The following DST variants were observed in gnomAD, a reference collection of about 807,000 sequenced individuals.
DST encodes the protein bullous pemphigoid antigen.
In DST, 253 loss-of-function variants were observed where a neutral mutation model predicts 875.2. That is an observed-to-expected ratio of 0.29 (90% CI 0.26 to 0.32). The LOEUF (loss-of-function observed/expected upper bound fraction) is 0.32. Ranked by LOEUF, DST falls within the 10% of genes least tolerant of loss-of-function variation. The probability of loss-of-function intolerance (pLI) is 1.00; values close to 1 mark genes in which losing one functional copy is unlikely to be tolerated. For synonymous variants in DST, 3,124 were observed against 3,197.1 expected, an observed-to-expected ratio of 0.98 and a Z score of 0.77; for missense variants, 8,287 against 9,111.6, an observed-to-expected ratio of 0.91 and a Z score of 3.68.
chr6:56,470,329 T>C, intron 95 of DST, 47 bp from the exon 96 acceptor site: 1 of 1,464,378 alleles, frequency 6.8e-7, no homozygotes, highest in Non-Finnish European at 9.2e-7. Flanking sequence ...TAGTTCTTTC[T>C]CAAGACATTC....
In DST at chr6:56,756,033, T is replaced by C. The variant is rs145031609; in HGVS notation, c.626-20744A>G. On this transcript the variant is annotated intron_variant, in intron 4 of 103. Coordinates refer to ENST00000680361, the MANE Select transcript of DST (RefSeq NM_001374736.1). Reference sequence around the variant, plus strand: ...GCTAAAAGGAGGATATGATATAGTATATGTAGGAGAAAGACGACGGAGTCA... The same window carrying C: ...GCTAAAAGGAGGATATGATATAGTACATGTAGGAGAAAGACGACGGAGTCA... Among the ~76,000 whole-genome samples the C allele has an allele frequency of 2.8e-3, 421 of 152,252 alleles. 1 individual carries two copies. Among genetic ancestry groups the C allele is most frequent in the East Asian group, 3.9e-3 (20 of 5,186 alleles).
chr6:56,854,127 T>C (rs1452455676), intron 3 of DST, among the ~76,000 whole-genome samples: 1 of 152,222 alleles, frequency 6.6e-6, no homozygotes, highest in Non-Finnish European at 1.5e-5. Flanking sequence ...TAAATGGAGC[T>C]GCTTTAAAGT....
At chr6:56,905,573 G>T (rs1015629561) in intron 2 of DST, among the ~76,000 whole-genome samples, 2 of 151,836 alleles carry the variant, frequency 1.3e-5, no homozygotes, top group African/African-American at 4.8e-5. Context: ...TCATACTGTT[G>T]CATATGCCAG....
Position 56,610,511 on chromosome 6 carries a change from C to T in DST, c.5199G>A (p.Gln1733=), listed in dbSNP as rs552582917. 1.5e-5 allele frequency: 23 copies of T among 1,565,400 alleles called. No homozygotes were observed. The Middle Eastern group carries it at 1.2e-3, about 80-fold the overall frequency. Reference sequence around the variant, plus strand: ...CACTGAATAATAAATTATAACTTTCCTGAAGAGTTTTCACTTGTTTTTCCA... The same window carrying T: ...CACTGAATAATAAATTATAACTTTCTTGAAGAGTTTTCACTTGTTTTTCCA... ...NELEKQVKTL[Q]ESYNLLFSES... is the part of the protein sequence containing the mutation. The change falls in exon 39 of 104, where the codon CAG becomes CAA. Residue 1733 remains glutamine, a synonymous_variant. Transcript: ENST00000680361.
intron 84 of DST, 129 bp from the exon 85 acceptor site, chr6:56,492,562 G>GC (rs2095786170): frequency 1.0e-6 from 1 of 974,354 alleles, no homozygotes; most frequent in African/African-American, 1.6e-5. Context: ...CCAAATGCAT[G>GC]CTTTTGACTT....
At chr6:56,591,243 G>A (rs371220179) in intron 49 of DST, among the ~76,000 whole-genome samples, 3 of 152,110 alleles carry the variant, frequency 2.0e-5, no homozygotes, top group African/African-American at 4.8e-5. Flanking sequence ...ACTGAGAATC[G>A]CACTGTTATG....
rs554822347 is a variant in DST at position 56,593,920 on chromosome 6, G to A, written c.12469C>T (p.Leu4157Phe). 8.7e-6 allele frequency: 14 copies of A among 1,613,752 alleles called. No individual in the cohort carries two copies. In the East Asian group the frequency reaches 8.9e-5, roughly 10 times the overall value. The stretch of plus-strand genomic sequence containing the variant: ...TCTGCACCTGCCTCCAGGTTTTCAA[G>A]TTCTTGTTCTGACTGCTGTAGCCAG... ...EHWLQQSEQE[L>F]ENLEAGADDI... is the part of the protein sequence containing the mutation. Residue 4157 changes from leucine (L) to phenylalanine (F), a missense_variant, in exon 48 of 104, where the codon CTT becomes TTT. Around this residue, in one of 10 missense-constraint regions of DST, gnomAD observed 1,513 missense variants for 1,677.8 expected, o/e 0.90. Transcript: ENST00000680361.
chr6:56,482,069 G>A lies in DST; in HGVS notation c.21512C>T (p.Thr7171Ile), dbSNP rs2095419669. 4 of 1,613,616 alleles carry A rather than the reference G, an allele frequency of 2.5e-6. No individual in the cohort carries two copies. Among genetic ancestry groups the A allele is most frequent in the Non-Finnish European group, 3.4e-6 (4 of 1,179,774 alleles). Reference sequence around the variant, plus strand: ...ACTCACTTTATGCTGATCAATGAGAGTCCGGAGAGCATCCTCATCATCTGG... The same window carrying A: ...ACTCACTTTATGCTGATCAATGAGAATCCGGAGAGCATCCTCATCATCTGG... ...VLPDDEDALR[T>I]LIDQHKEFMK... The change falls in exon 90 of 104, where the codon ACT (threonine) becomes ATT (isoleucine). Residue 7171 changes from threonine (T) to isoleucine (I), a missense_variant. Thr to Ile is a moderately conservative substitution (Grantham distance 89). This residue lies in a region of DST where 1,292 missense variants were observed against 1,552.7 expected (regional missense o/e 0.83). Transcript: ENST00000680361.
intron 49 of DST, among the ~76,000 whole-genome samples, chr6:56,585,066 G>C (rs1338174150): frequency 1.3e-5 from 2 of 150,960 alleles, no homozygotes; most frequent in Admixed American, 6.6e-5. Flanking sequence ...TTTTTTGGTT[G>C]TGTCTCTGCC....
chr6:56,780,989 TC>T (rs2099692445), intron 4 of DST, among the ~76,000 whole-genome samples: 2 of 152,218 alleles, frequency 1.3e-5, no homozygotes, highest in Non-Finnish European at 2.9e-5. Flanking sequence ...GGGAATCCTT[TC>T]CCCATTGCTT....
At chr6:56,475,602 AG>A (rs1168386414) in intron 92 of DST, among the ~76,000 whole-genome samples, 1 of 152,214 alleles carries the variant, frequency 6.6e-6, no homozygotes, top group Non-Finnish European at 1.5e-5. Flanking sequence ...GCTTTTCCTA[AG>A]AAAGACAACA....
Position 56,463,081 on chromosome 6 carries a change from C to A in DST, c.23035G>T (p.Ala7679Ser), listed in dbSNP as rs201138592. 8.3e-5 allele frequency: 134 copies of A among 1,613,436 alleles called. No homozygotes were observed. The highest frequency in any genetic ancestry group is 1.6e-4 in the Middle Eastern group (1 of 6,082). The part of the protein sequence containing the change: ...NSKMSTPCKA[A>S]ECSDFPVPSA... ...GGCACGGGAAAGTCTGAGCACTCTGCTGCTTTACAAGGAGTTGACATTTTG... is the reference window on the plus strand; with the variant it reads ...GGCACGGGAAAGTCTGAGCACTCTGATGCTTTACAAGGAGTTGACATTTTG... The change falls in exon 102 of 104, where the codon GCA becomes TCA. Residue 7679 changes from alanine (A) to serine (S), a missense_variant. Physicochemically the swap from Ala to Ser is moderately conservative, Grantham distance 99. Transcript: ENST00000680361.
chr6:56,883,559 G>T (rs1045110846), intron 3 of DST, among the ~76,000 whole-genome samples: 3 of 152,020 alleles, frequency 2.0e-5, no homozygotes, highest in African/African-American at 7.2e-5. Flanking sequence ...AAAAATTTAG[G>T]CTTACTCTAC....
intron 4 of DST, among the ~76,000 whole-genome samples, chr6:56,744,676 C>T (rs2152942614): frequency 6.6e-6 from 1 of 152,224 alleles, no homozygotes; most frequent in Middle Eastern, 3.4e-3. Flanking sequence ...CCTGCAGAAT[C>T]CCATCTCAAA....
intron 2 of DST, among the ~76,000 whole-genome samples, chr6:56,922,792 G>A (rs1804976852): frequency 6.6e-6 from 1 of 151,984 alleles, no homozygotes; most frequent in South Asian, 2.1e-4. Context: ...ACTACCTTTT[G>A]TCAAAAGAAA....
At position 56,572,787 on chromosome 6, in the gene DST, A is replaced by C; in HGVS notation, c.13514T>G (p.Val4505Gly). ...CAATTCAGTAACATCTTTTCCTGGC[A>C]CATCTACTTCAGTAAGAGCCTGAGT... ...TKTQALTEVD[V>G]PGKDVTELSQ... Residue 4505 changes from valine (V) to glycine (G), a missense_variant, in exon 52 of 104, where the codon GTG (valine) becomes GGG (glycine). Physicochemically the swap from Val to Gly is moderately radical, Grantham distance 109. This residue lies in a region of DST where 1,513 missense variants were observed against 1,677.8 expected (regional missense o/e 0.90). Coordinates refer to ENST00000680361, the MANE Select transcript of DST (RefSeq NM_001374736.1). The C allele has an allele frequency of 6.2e-7, 1 of 1,605,694 alleles. No individual in the cohort carries two copies. Among genetic ancestry groups the C allele is most frequent in the Non-Finnish European group, 8.5e-7 (1 of 1,176,696 alleles).
chr6:56,613,587 C>T (rs1456781659), intron 37 of DST, among the ~76,000 whole-genome samples: 4 of 141,614 alleles, frequency 2.8e-5, no homozygotes, highest in African/African-American at 1.0e-4. Context: ...GGAAAGTATT[C>T]CTTGAGAAAA....
intron 3 of DST, among the ~76,000 whole-genome samples, chr6:56,873,725 G>A (rs1778397006): frequency 6.6e-6 from 1 of 152,184 alleles, no homozygotes; most frequent in Non-Finnish European, 1.5e-5. Context: ...TGGGCGGAGA[G>A]GGGAGATGAA....
chr6:56,527,509 G>A lies in DST; in HGVS notation c.17906C>T (p.Ala5969Val). Residue 5969 changes from alanine (A) to valine (V), a missense_variant, in exon 68 of 104, where the codon GCA (alanine) becomes GTA (valine). Around this residue, in one of 10 missense-constraint regions of DST, gnomAD observed 777 missense variants for 764.8 expected, o/e 1.02. Coordinates refer to ENST00000680361, the MANE Select transcript of DST (RefSeq NM_001374736.1). The part of the protein sequence containing the change: ...QVLKGEEASQ[A>V]QMRPKELKKE... ...AGAGCTTACCTTTGGTCTCATTTGT[G>A]CTTGACTTGCTTCTTCTCCTTTCAG... The A allele has an allele frequency of 1.9e-6, 3 of 1,613,374 alleles. No individual in the cohort carries two copies. The South Asian group carries it at 3.3e-5, about 18-fold the overall frequency.
Sources: allele counts gnomAD v4.1 joint callset (sites outside exome capture counted in the v4.1 genomes callset), GRCh38; gene constraint gnomAD v4.1.1; regional missense constraint gnomAD v4.1.1; transcripts MANE v1.5; gene names NCBI Gene and HGNC (gene_info 2026-07-23, HGNC 2026-07-21).